Variants in RBFOX1 observed in about 807,000 individuals in gnomAD.
RBFOX1 encodes the protein RNA binding protein fox-1 homolog 1.
Under a neutral mutation model 57.7 loss-of-function variants are expected in RBFOX1, and 8 were observed. The ratio of observed to expected loss-of-function variants is 0.14; its 90% CI spans 0.08 to 0.25. The LOEUF (loss-of-function observed/expected upper bound fraction) is 0.25, where lower values mean the gene tolerates loss of function less well. RBFOX1 is among the 10% of genes least tolerant of loss of function. The pLI, the probability that RBFOX1 is intolerant of heterozygous loss-of-function variation, is 1.00. For missense variants in RBFOX1, 611 were observed against 548.5 expected (o/e 1.11, Z -1.14); for synonymous variants, 326 against 222.4 (o/e 1.47, Z -4.15).
At chr16:7,030,636 C>T (rs544358670) in intron 3 of RBFOX1, among the ~76,000 whole-genome samples, 1 of 152,278 alleles carries the variant, frequency 6.6e-6, no homozygotes, top group African/African-American at 2.4e-5. Context: ...AGGACCTACT[C>T]TAATCTACTA....
intron 3 of RBFOX1, among the ~76,000 whole-genome samples, chr16:7,020,770 C>G (rs2038769625): frequency 6.6e-6 from 1 of 152,078 alleles, no homozygotes; most frequent in Non-Finnish European, 1.5e-5. Flanking sequence ...TCCCTGCATT[C>G]CCACCCACAT....
chr16:6,445,517 T>A (rs958367133), intron 2 of RBFOX1, among the ~76,000 whole-genome samples: 3 of 151,122 alleles, frequency 2.0e-5, no homozygotes, highest in Non-Finnish European at 4.4e-5. Context: ...AAGCCAAGGA[T>A]AAAGTGGGAA....
chr16:6,140,842 G>C (rs1179574833), intron 1 of RBFOX1, among the ~76,000 whole-genome samples: 3 of 152,136 alleles, frequency 2.0e-5, no homozygotes, highest in East Asian at 1.9e-4. Flanking sequence ...CTGTGGTTTG[G>C]TTTCTTATCT....
At chr16:6,293,485 C>T (rs1389363961) in intron 1 of RBFOX1, among the ~76,000 whole-genome samples, 6 of 152,092 alleles carry the variant, frequency 3.9e-5, no homozygotes, top group Non-Finnish European at 4.4e-5. Flanking sequence ...AGCCTGTCTG[C>T]CAGGTCCTTG....
At chr16:5,391,877 G>GTC (rs1309361769) in intron 1 of RBFOX1, among the ~76,000 whole-genome samples, 1 of 118,450 alleles carries the variant, frequency 8.4e-6, no homozygotes, top group Non-Finnish European at 1.8e-5. Flanking sequence ...AAACTATGGT[G>GTC]TGTGTGTGTG....
chr16:5,775,869 C>T (rs753716619), intron 3 of RBFOX1, among the ~76,000 whole-genome samples: 4 of 152,134 alleles, frequency 2.6e-5, no homozygotes, highest in South Asian at 4.1e-4. Context: ...GACTATCGGA[C>T]GAGTCAGGGC....
At chr16:5,914,016 A>G (rs1342804449) in intron 4 of RBFOX1, among the ~76,000 whole-genome samples, 2 of 152,230 alleles carry the variant, frequency 1.3e-5, no homozygotes, top group African/African-American at 4.8e-5. Flanking sequence ...AGTTTGCAGG[A>G]TCAAGATTCA....
At chr16:6,698,250 T>A (rs1031727374) in intron 3 of RBFOX1, among the ~76,000 whole-genome samples, 1 of 152,194 alleles carries the variant, frequency 6.6e-6, no homozygotes, top group Non-Finnish European at 1.5e-5. Flanking sequence ...TAATACAGCA[T>A]TAAGATGTCC....
chr16:7,628,306 G>A (rs963759235), intron 10 of RBFOX1, among the ~76,000 whole-genome samples: 1 of 152,042 alleles, frequency 6.6e-6, no homozygotes, highest in African/African-American at 2.4e-5. Flanking sequence ...AGATGATTCC[G>A]ACCTGATAAC....
chr16:6,844,614 C>G (rs1202744633), intron 3 of RBFOX1, among the ~76,000 whole-genome samples: 1 of 151,802 alleles, frequency 6.6e-6, no homozygotes, highest in African/African-American at 2.4e-5. Context: ...GAGTCCTTGT[C>G]TTTGCTATCG....
At chr16:7,036,608 G>T (rs901157501) in intron 3 of RBFOX1, among the ~76,000 whole-genome samples, 1 of 151,840 alleles carries the variant, frequency 6.6e-6, no homozygotes, top group Non-Finnish European at 1.5e-5. Flanking sequence ...CTGGAGAATC[G>T]CTTGAAACCG....
intron 2 of RBFOX1, among the ~76,000 whole-genome samples, chr16:6,521,558 C>A (rs1250900144): frequency 6.7e-6 from 1 of 148,172 alleles, no homozygotes; most frequent in African/African-American, 2.6e-5. Context: ...CCTTCCCTCG[C>A]TCTCTTTGTC....
At chr16:7,000,723 G>T (rs779069191) in intron 3 of RBFOX1, among the ~76,000 whole-genome samples, 2 of 147,838 alleles carry the variant, frequency 1.4e-5, no homozygotes, top group South Asian at 4.4e-4. Context: ...TCCTGCCTCA[G>T]CCTCCCAAGT....
chr16:5,505,059 G>A (rs1176326514), intron 2 of RBFOX1, among the ~76,000 whole-genome samples: 2 of 134,732 alleles, frequency 1.5e-5, no homozygotes, highest in Non-Finnish European at 3.0e-5. Flanking sequence ...GCATAGCCCT[G>A]TGGATATACC....
intron 4 of RBFOX1, among the ~76,000 whole-genome samples, chr16:7,471,319 T>G (rs780104304): frequency 1.3e-5 from 2 of 152,216 alleles, no homozygotes; most frequent in Non-Finnish European, 2.9e-5. Flanking sequence ...CTTGTGAGTA[T>G]ATCCATAAGG....
intron 3 of RBFOX1, among the ~76,000 whole-genome samples, chr16:5,627,522 T>C (rs1220827567): frequency 6.6e-6 from 1 of 152,126 alleles, no homozygotes; most frequent in Non-Finnish European, 1.5e-5. Flanking sequence ...ATGAATAATT[T>C]AGGGTTTTTA....
intron 3 of RBFOX1, among the ~76,000 whole-genome samples, chr16:6,894,550 C>T (rs973396693): frequency 2.6e-5 from 4 of 152,022 alleles, no homozygotes; most frequent in Non-Finnish European, 5.9e-5. Flanking sequence ...CAAAGTGTAC[C>T]CCCAAAACAA....
chr16:6,931,546 C>T (rs1404760721), intron 3 of RBFOX1, among the ~76,000 whole-genome samples: 1 of 152,060 alleles, frequency 6.6e-6, no homozygotes. Context: ...TTTGTTCACC[C>T]AAGGGCTTTG....
At chr16:7,365,247 A>G (rs1419083607) in intron 4 of RBFOX1, among the ~76,000 whole-genome samples, 3 of 152,198 alleles carry the variant, frequency 2.0e-5, no homozygotes, top group Non-Finnish European at 2.9e-5. Flanking sequence ...GAAACAGATG[A>G]TACACTCAAT....
Sources: gnomAD v4.1 joint callset for allele counts (sites outside exome capture counted in the v4.1 genomes callset) on GRCh38, gnomAD v4.1.1 for gene constraint, MANE v1.5 for transcripts, NCBI Gene and HGNC (gene_info 2026-07-23, HGNC 2026-07-21) for gene names.